PSMC3: variants seen among roughly 807,000 people sequenced by gnomAD.
PSMC3 encodes 26S proteasome regulatory subunit 6A.
A neutral mutation model predicts 52.0 loss-of-function variants in PSMC3; 11 were observed. The ratio of observed to expected loss-of-function variants is 0.21; its 90% confidence interval spans 0.13 to 0.35. The LOEUF is 0.35. Ranked by LOEUF, PSMC3 falls within the 10% of genes least tolerant of loss-of-function variation. PSMC3 has a pLI of 1.00. For synonymous variants in PSMC3, 201 were observed against 218.8 expected, an observed-to-expected ratio of 0.92 and a Z score of 0.72; for missense variants, 238 against 567.1, an observed-to-expected ratio of 0.42 and a Z score of 5.89.
intron 8 of PSMC3, 74 bp from the exon 9 acceptor site, chr11:47,420,801 A>G (rs1357316499): frequency 7.3e-7 from 1 of 1,373,102 alleles, no homozygotes; most frequent in Non-Finnish European, 1.0e-6. Context: ...TACCCCCTGG[A>G]AGCCTAACCT....
chr11:47,425,229 C>T lies in PSMC3; in HGVS notation c.177G>A (p.Val59=). The change falls in exon 3 of 12, where the codon GTG becomes GTA. Residue 59 remains valine (V), a synonymous_variant. Coordinates refer to ENST00000298852, the MANE Select transcript of PSMC3 (RefSeq NM_002804.5). ...DSEIKIMKSE[V]LRVTHELQAM... ...CTTGGAGCTCATGGGTGACTCTCAA[C>T]ACTTCACTCTTCATGATCTGAGATC... 3 of 1,614,144 alleles carry T rather than the reference C, an allele frequency of 1.9e-6. No individual in the cohort carries two copies. Among genetic ancestry groups the T allele is most frequent in the Non-Finnish European group, 2.5e-6 (3 of 1,180,010 alleles).
chr11:47,426,098 C>T (rs1169564237), intron 1 of PSMC3, 107 bp downstream of exon 1: 21 of 1,431,782 alleles, frequency 1.5e-5, no homozygotes, highest in Non-Finnish European at 1.5e-5. Context: ...ACAACCCCGT[C>T]CCCGGGATCG....
chr11:47,420,049 G>T (rs113132526), intron 10 of PSMC3, among the ~76,000 whole-genome samples: 1 of 152,108 alleles, frequency 6.6e-6, no homozygotes, highest in Non-Finnish European at 1.5e-5. Flanking sequence ...AGTCTAAGGA[G>T]CAGAGCACCC....
chr11:47,419,912 TGA>T (rs975799345), intron 10 of PSMC3, among the ~76,000 whole-genome samples: 30 of 150,826 alleles, frequency 2.0e-4, no homozygotes, highest in African/African-American at 7.3e-4. Context: ...TGCCACCTGC[TGA>T]GAGTCATACA....
intron 6 of PSMC3, 28 bp from the exon 7 acceptor site, chr11:47,423,001 G>C (rs1226817966): frequency 6.3e-7 from 1 of 1,589,976 alleles, no homozygotes; most frequent in Admixed American, 1.8e-5. Flanking sequence ...TGGGTGAGGA[G>C]ATGAAGCCCT....
At chr11:47,423,874 A>T (rs958751155) in intron 6 of PSMC3, among the ~76,000 whole-genome samples, 172 bp downstream of exon 6, 1 of 151,276 alleles carries the variant, frequency 6.6e-6, no homozygotes, top group Non-Finnish European at 1.5e-5. Flanking sequence ...GATCCTGGGC[A>T]AGGCATTTAA....
chr11:47,419,294 G>A (rs1476528830), intron 10 of PSMC3, 97 bp from the exon 11 acceptor site: 2 of 1,320,084 alleles, frequency 1.5e-6, no homozygotes, highest in African/African-American at 2.9e-5. Flanking sequence ...ACAAAGTCAA[G>A]TTGCCCTGTG....
At position 47,422,627 on chromosome 11, in the gene PSMC3, C is replaced by G. The variant is rs1205104020; in HGVS notation, c.831G>C (p.Glu277Asp). The stretch of plus-strand genomic sequence containing the variant: ...CAATGAAGATGATAGAGGGCGCTTT[C>G]TCCTTGGCCAGGGCAAAGGCATCCC... ...LVRDAFALAKEKAPSIIFIDE... is the reference protein window; with the variant it reads ...LVRDAFALAKDKAPSIIFIDE... The change falls in exon 8 of 12, where the codon GAG becomes GAC. Residue 277 changes from glutamate to aspartate, a missense_variant. Transcript: ENST00000298852. This position sits in a 1 kb window ranked among gnomAD's most constrained non-coding sequence, Gnocchi z 4.3. 1.9e-6 allele frequency: 3 copies of G among 1,614,090 alleles called. No homozygotes were observed. The highest frequency in any genetic ancestry group is 2.5e-6 in the Non-Finnish European group (3 of 1,180,052).
Position 47,422,778 on chromosome 11 carries a change from G to T in PSMC3, c.735+52C>A. The T allele has an allele frequency of 6.2e-7, 1 of 1,607,924 alleles. No individual in the cohort carries two copies. ...AAGGCAGACCCTTTGAGCCCATCTG[G>T]TAGAGTTTCTGCTCCTGCCCACTTC... On this transcript the variant is annotated intron_variant, in intron 7 of 11. Transcript: ENST00000298852. This position sits in a 1 kb window ranked among gnomAD's most constrained non-coding sequence, Gnocchi z 4.3.
rs910588499 is a variant in PSMC3 at position 47,426,220 on chromosome 11, C to T, written c.60G>A (p.Val20=). 7 of 1,560,202 alleles carry T rather than the reference C, an allele frequency of 4.5e-6. No individual in the cohort carries two copies. Among genetic ancestry groups the T allele is most frequent in the African/African-American group, 4.1e-5 (3 of 73,480 alleles). The change falls in exon 1 of 12, where the codon GTG becomes GTA. Residue 20 remains valine, a synonymous_variant. Coordinates refer to ENST00000298852, the MANE Select transcript of PSMC3 (RefSeq NM_002804.5). ...CGGTGCCCACCTCGGCCTCATCCCA[C>T]ACGGTCGCCATCTTCTCCTGCCGAG... ...PVTRQEKMAT[V]WDEAEQDGIG...
chr11:47,423,043 C>T (rs1263043790), intron 6 of PSMC3, 70 bp from the exon 7 acceptor site: 2 of 1,454,540 alleles, frequency 1.4e-6, no homozygotes, highest in South Asian at 1.3e-5. Flanking sequence ...CTTCATGGCT[C>T]CAACCCCAAT....
In PSMC3 at chr11:47,419,195, G is replaced by A; in HGVS notation, c.1130C>T (p.Pro377Leu). ...GGCCAGCTCCTCGTAGTTCACGTCAGGACTGGGGACAGGACAGATACCACA... is the reference window on the plus strand; with the variant it reads ...GGCCAGCTCCTCGTAGTTCACGTCAAGACTGGGGACAGGACAGATACCACA... ...QIHSRKMNVS[P>L]DVNYEELARC... is the part of the protein sequence containing the mutation. The change falls in exon 11 of 12, where the codon CCT becomes CTT. Residue 377 changes from proline (P) to leucine (L), a missense_variant and splice_region_variant. Around this residue, in one of 6 missense-constraint regions of PSMC3, gnomAD observed 40 missense variants for 53.3 expected, o/e 0.75. Coordinates refer to ENST00000298852, the MANE Select transcript of PSMC3 (RefSeq NM_002804.5). 6.2e-7 allele frequency: 1 copy of A among 1,614,160 alleles called. No homozygotes were observed. The highest frequency in any genetic ancestry group is 8.5e-7 in the Non-Finnish European group (1 of 1,180,036).
At chr11:47,423,874 A>G (rs958751155) in intron 6 of PSMC3, among the ~76,000 whole-genome samples, 172 bp downstream of exon 6, 52 of 151,276 alleles carry the variant, frequency 3.4e-4, no homozygotes, top group African/African-American at 1.2e-3. Context: ...GATCCTGGGC[A>G]AGGCATTTAA....
At chr11:47,419,275 C>G in intron 10 of PSMC3, 78 bp from the exon 11 acceptor site, 1 of 1,481,526 alleles carries the variant, frequency 6.7e-7, no homozygotes, top group South Asian at 1.1e-5. Flanking sequence ...CCCCTGGCCC[C>G]GTCAAGCAAC....
At chr11:47,420,798 T>G (rs1172404193) in intron 8 of PSMC3, 71 bp from the exon 9 acceptor site, 35 of 1,418,204 alleles carry the variant, frequency 2.5e-5, no homozygotes, top group Non-Finnish European at 3.3e-5. Flanking sequence ...CTCTACCCCC[T>G]GGAAGCCTAA....
intron 2 of PSMC3, 64 bp downstream of exon 2, chr11:47,425,803 G>T: frequency 1.4e-6 from 2 of 1,449,890 alleles, no homozygotes; most frequent in South Asian, 1.2e-5. Context: ...TACGAGAGGC[G>T]ACTCGGATCG....
chr11:47,419,655 C>A (rs529868239), intron 10 of PSMC3, among the ~76,000 whole-genome samples: 1 of 152,040 alleles, frequency 6.6e-6, no homozygotes, highest in South Asian at 2.1e-4. Flanking sequence ...GTCAGGAAAT[C>A]AAGACCATTC....
chr11:47,425,349 T>C, intron 2 of PSMC3, 103 bp from the exon 3 acceptor site: 3 of 1,387,692 alleles, frequency 2.2e-6, no homozygotes, highest in Non-Finnish European at 3.0e-6. Flanking sequence ...CCCTCCCGCA[T>C]CCATTCATCC....
rs1204948509 is a variant in PSMC3, at chr11:47,420,741, A to G, written c.885-14T>C. ...TCACTGTCAAAGCTAGGGCACAGGA[A>G]GCCCGAGATGCTGGTGAGGGCACAG... On this transcript the variant is annotated splice_polypyrimidine_tract_variant and intron_variant, in intron 8 of 11. Transcript: ENST00000298852. The G allele has an allele frequency of 1.2e-5, 19 of 1,553,612 alleles. No homozygotes were observed.
Sources: allele counts gnomAD v4.1 joint callset (sites outside exome capture counted in the v4.1 genomes callset), GRCh38; gene constraint gnomAD v4.1.1; regional missense constraint gnomAD v4.1.1; non-coding constraint Gnocchi (gnomAD v3.1); transcripts MANE v1.5; gene names NCBI Gene and HGNC (gene_info 2026-07-23, HGNC 2026-07-21).